MEGF6: variants seen among roughly 807,000 people sequenced by gnomAD.
MEGF6 encodes multiple EGF like domains 6.
Under a neutral mutation model 207.1 loss-of-function variants are expected in MEGF6, and 184 were observed. The observed-to-expected ratio is 0.89, with a 90% CI of 0.79 to 1.00. The LOEUF (loss-of-function observed/expected upper bound fraction) is 1.00, where lower values mean the gene tolerates loss of function less well. Ranked by LOEUF, MEGF6 falls within the 50% of genes least tolerant of loss-of-function variation. The probability of loss-of-function intolerance (pLI) is 0.00; values close to 1 mark genes in which losing one functional copy is unlikely to be tolerated. For missense variants in MEGF6, 2,282 were observed against 2,202.9 expected (o/e 1.04, Z -0.72); for synonymous variants, 1,038 against 910.0 (o/e 1.14, Z -2.53).
chr1:3,494,596 T>C lies in MEGF6; in HGVS notation c.4000+17A>G, dbSNP rs1171119850. 5 of 1,560,668 alleles carry C rather than the reference T, an allele frequency of 3.2e-6. No individual in the cohort carries two copies. The highest frequency in any genetic ancestry group is 4.3e-6 in the Non-Finnish European group (5 of 1,155,676). ...CCCTGAGGGGATGCTGGGGTCCCGC[T>C]GGCCCCGCACACTCACCCAGCTCGC... On this transcript the variant is annotated intron_variant, in intron 31 of 36. Transcript: ENST00000356575.
At chr1:3,606,688 C>T (rs1375961408) in intron 1 of MEGF6, among the ~76,000 whole-genome samples, 1 of 152,244 alleles carries the variant, frequency 6.6e-6, no homozygotes, top group Admixed American at 6.5e-5. Flanking sequence ...CTGCTACAGG[C>T]ATTGAACGCT....
Position 3,489,520 on chromosome 1 carries a change from G to T in MEGF6, c.*1008C>A, listed in dbSNP as rs974648308. ...GTCAGCCTCAGCCCATGAGTGCCAG[G>T]TGCTCGGGAGGGCTGGTCTGTCCTC... On this transcript the variant is annotated 3_prime_UTR_variant, in exon 37 of 37. Coordinates refer to ENST00000356575, the MANE Select transcript of MEGF6 (RefSeq NM_001409.4). Among the ~76,000 whole-genome samples, 8 of 152,182 alleles carry T rather than the reference G, an allele frequency of 5.3e-5. No individual in the cohort carries two copies. Among genetic ancestry groups the T allele is most frequent in the African/African-American group, 1.2e-4 (5 of 41,438 alleles).
chr1:3,494,589 G>A lies in MEGF6; in HGVS notation c.4000+24C>T, dbSNP rs376550643. On this transcript the variant is annotated intron_variant, in intron 31 of 36. Transcript: ENST00000356575. ...GGCACCTCCCTGAGGGGATGCTGGG[G>A]TCCCGCTGGCCCCGCACACTCACCC... The A allele has an allele frequency of 1.9e-4, 297 of 1,559,612 alleles. No individual in the cohort carries two copies. In the African/African-American group the frequency reaches 3.4e-3, roughly 18 times the overall value.
chr1:3,542,340 G>A (rs1030858946), intron 4 of MEGF6, among the ~76,000 whole-genome samples: 22 of 152,362 alleles, frequency 1.4e-4, no homozygotes, highest in East Asian at 9.6e-4. Flanking sequence ...GGCTTAATGC[G>A]AGGGTTGGAC....
At chr1:3,566,623 C>T (rs761741043) in intron 4 of MEGF6, among the ~76,000 whole-genome samples, 14 of 152,194 alleles carry the variant, frequency 9.2e-5, no homozygotes, top group Non-Finnish European at 1.9e-4. Flanking sequence ...ATCAGAGGGA[C>T]CCCGGGGCCC....
At chr1:3,514,103 C>G (rs1015337672) in intron 7 of MEGF6, among the ~76,000 whole-genome samples, 10 of 152,036 alleles carry the variant, frequency 6.6e-5, no homozygotes, top group Non-Finnish European at 1.0e-4. Context: ...GAAAAATTAG[C>G]CAGGCCTGGC....
chr1:3,503,224 G>A (rs1035535094), intron 17 of MEGF6, among the ~76,000 whole-genome samples: 5 of 152,186 alleles, frequency 3.3e-5, no homozygotes, highest in African/African-American at 9.6e-5. Flanking sequence ...ACGTCCCTGG[G>A]ACTACAGGCC....
intron 4 of MEGF6, chr1:3,531,364 T>C (rs1363411579): frequency 5.9e-6 from 7 of 1,183,940 alleles, no homozygotes; most frequent in Middle Eastern, 3.4e-4. Flanking sequence ...GGGCGCGCAA[T>C]CCCAGCCCCG....
At chr1:3,542,078 G>T (rs914869652) in intron 4 of MEGF6, among the ~76,000 whole-genome samples, 2 of 152,156 alleles carry the variant, frequency 1.3e-5, no homozygotes, top group African/African-American at 4.8e-5. Flanking sequence ...CGGCCTGGCC[G>T]CCTCCCCCAA....
chr1:3,515,895 C>T (rs1417985839), intron 5 of MEGF6, among the ~76,000 whole-genome samples: 1 of 152,234 alleles, frequency 6.6e-6, no homozygotes, highest in Non-Finnish European at 1.5e-5. Flanking sequence ...CAAGCGAGGG[C>T]TCAGTGCCCC....
intron 20 of MEGF6, 27 bp downstream of exon 20, chr1:3,500,939 C>A (rs1293181224): frequency 1.2e-6 from 2 of 1,610,780 alleles, no homozygotes; most frequent in Admixed American, 1.7e-5. Context: ...GATGTCTGGA[C>A]AAAGGGCAAG....
chr1:3,505,395 G>C (rs200837804), intron 16 of MEGF6, 27 bp downstream of exon 16: 204,191 of 1,520,600 alleles, frequency 0.13, 12,400 homozygotes, highest in East Asian at 0.18. Context: ...GGCGCCCCCC[G>C]CCCCCAGACC....
In MEGF6 at chr1:3,514,580, G is replaced by A. The variant is rs1056269613; in HGVS notation, c.823C>T (p.Gln275Ter). 3 of 1,589,386 alleles carry A rather than the reference G, an allele frequency of 1.9e-6. No homozygotes were observed. Among genetic ancestry groups the A allele is most frequent in the Admixed American group, 1.7e-5 (1 of 57,340 alleles). Residue 275 changes from glutamine to a stop codon, truncating the protein, a stop_gained, in exon 7 of 37, where the codon CAG (glutamine) becomes TAG (stop). Coordinates refer to ENST00000356575, the MANE Select transcript of MEGF6 (RefSeq NM_001409.4). LOFTEE classifies it high-confidence loss of function. ...CAGGCCTTGCCGTCCGCTGCTAGCTGATAGCCCACGTGGCACTCACAGCGG... is the reference window on the plus strand; with the variant it reads ...CAGGCCTTGCCGTCCGCTGCTAGCTAATAGCCCACGTGGCACTCACAGCGG... ...LARCECHVGY[Q>*]LAADGKACED... is the part of the protein sequence containing the mutation.
intron 1 of MEGF6, among the ~76,000 whole-genome samples, chr1:3,607,227 A>C (rs1644262250): frequency 6.7e-6 from 1 of 148,488 alleles, no homozygotes; most frequent in African/African-American, 2.5e-5. Context: ...ACCCCTTGCC[A>C]ACCCCACCCT....
Position 3,506,239 on chromosome 1 carries a change from G to T in MEGF6, c.1790-3C>A. The T allele has an allele frequency of 6.2e-7, 1 of 1,607,984 alleles. No homozygotes were observed. Among genetic ancestry groups the T allele is most frequent in the Non-Finnish European group, 8.5e-7 (1 of 1,177,960 alleles). ...GCCATAGTAGCCCTTGGGGCAGCCTGGGGGCAGCGGGGCTCCATGTGAACC... is the reference window on the plus strand; with the variant it reads ...GCCATAGTAGCCCTTGGGGCAGCCTTGGGGCAGCGGGGCTCCATGTGAACC... On this transcript the variant is annotated splice_polypyrimidine_tract_variant and splice_region_variant and intron_variant, in intron 14 of 36. Coordinates refer to ENST00000356575, the MANE Select transcript of MEGF6 (RefSeq NM_001409.4).
chr1:3,498,938 G>T lies in MEGF6; in HGVS notation c.3095-112C>A. The T allele has an allele frequency of 2.8e-6, 4 of 1,446,464 alleles. No homozygotes were observed. The South Asian group carries it at 5.3e-5, about 19-fold the overall frequency. 89.6% of individuals were successfully genotyped at this position (1,446,464 alleles called of 1,614,324 possible). Reference sequence around the variant, plus strand: ...TTTGGGGTCAGGCACCTTGCAGGGGGCTGCCCCTAGGATGACCTGCCAGCC... The same window carrying T: ...TTTGGGGTCAGGCACCTTGCAGGGGTCTGCCCCTAGGATGACCTGCCAGCC... On this transcript the variant is annotated intron_variant, in intron 24 of 36. Transcript: ENST00000356575.
At chr1:3,604,909 C>G (rs1644219712) in intron 1 of MEGF6, among the ~76,000 whole-genome samples, 1 of 152,066 alleles carries the variant, frequency 6.6e-6, no homozygotes, top group Non-Finnish European at 1.5e-5. Flanking sequence ...GGGGCTGGGT[C>G]CTGACCTCAT....
chr1:3,490,539 C>T lies in MEGF6; in HGVS notation c.4615G>A (p.Ala1539Thr). 6.2e-7 allele frequency: 1 copy of T among 1,613,210 alleles called. No homozygotes were observed. ...SRPTSRSGGP[A>T]RH ...CGGGACTGCCTCTACTAGTGCCTCGCTGGTCCACCGCTCCGGGATGTGGGT... is the reference window on the plus strand; with the variant it reads ...CGGGACTGCCTCTACTAGTGCCTCGTTGGTCCACCGCTCCGGGATGTGGGT... Residue 1539 changes from alanine to threonine, a missense_variant, in exon 37 of 37, where the codon GCG (alanine) becomes ACG (threonine). Physicochemically the swap from Ala to Thr is moderately conservative, Grantham distance 58. Coordinates refer to ENST00000356575, the MANE Select transcript of MEGF6 (RefSeq NM_001409.4).
intron 4 of MEGF6, among the ~76,000 whole-genome samples, chr1:3,535,036 C>T (rs564912111): frequency 2.0e-5 from 3 of 152,346 alleles, no homozygotes; most frequent in Admixed American, 6.5e-5. Context: ...CACTGAAGGG[C>T]TGTATGGCAT....
Sources: gnomAD v4.1 joint callset for allele counts (sites outside exome capture counted in the v4.1 genomes callset) on GRCh38, gnomAD v4.1.1 for gene constraint, MANE v1.5 for transcripts, NCBI Gene and HGNC (gene_info 2026-07-23, HGNC 2026-07-21) for gene names.